Variants in AP1B1 observed in about 807,000 individuals in gnomAD.
AP1B1 encodes the protein adaptor related protein complex 1 subunit beta 1, also known as AP-1 complex subunit beta-1.
A neutral mutation model predicts 104.3 loss-of-function variants in AP1B1; 36 were observed. That is an observed-to-expected ratio of 0.35 (90% CI 0.26 to 0.46). AP1B1 has a LOEUF of 0.46. Ranked by LOEUF, AP1B1 falls within the 20% of genes least tolerant of loss-of-function variation. The pLI, the probability that AP1B1 is intolerant of heterozygous loss-of-function variation, is 1.00. For synonymous variants in AP1B1, 504 were observed against 517.5 expected (o/e 0.97, Z 0.35); for missense variants, 901 against 1,247.9 (o/e 0.72, Z 4.19).
chr22:29,352,084 C>T (rs1046342601), intron 7 of AP1B1, among the ~76,000 whole-genome samples: 8 of 152,200 alleles, frequency 5.3e-5, no homozygotes, highest in African/African-American at 1.9e-4. Context: ...CACTCACTCT[C>T]CAGAGGCAGC....
chr22:29,362,179 T>C (rs1199455144), intron 3 of AP1B1, among the ~76,000 whole-genome samples: 3 of 152,208 alleles, frequency 2.0e-5, no homozygotes, highest in African/African-American at 7.2e-5. Context: ...GCAGCCGCTC[T>C]ACACACAACC....
chr22:29,371,601 C>T (rs191042900), intron 1 of AP1B1, among the ~76,000 whole-genome samples: 3 of 152,098 alleles, frequency 2.0e-5, no homozygotes, highest in East Asian at 3.9e-4. Context: ...TGTGGTGGCA[C>T]GTGCCTGTAG....
chr22:29,339,091 G>C lies in AP1B1; in HGVS notation c.2062C>G (p.Pro688Ala). 6.2e-7 allele frequency: 1 copy of C among 1,614,192 alleles called. No individual in the cohort carries two copies. The highest frequency in any genetic ancestry group is 8.5e-7 in the Non-Finnish European group (1 of 1,180,046). Residue 688 changes from proline (P) to alanine (A), a missense_variant, in exon 16 of 23, where the codon CCA becomes GCA. Transcript: ENST00000357586. Reference sequence around the variant, plus strand: ...CCGATGGGTGCTCCAAGATTGGCTGGTACTGCTGCTGTTGGAGGTGCCACG... The same window carrying C: ...CCGATGGGTGCTCCAAGATTGGCTGCTACTGCTGCTGTTGGAGGTGCCACG... ...NFVAPPTAAV[P>A]ANLGAPIGSG...
chr22:29,354,714 G>A lies in AP1B1; in HGVS notation c.874C>T (p.Leu292=), dbSNP rs1165538195. 6.2e-7 allele frequency: 1 copy of A among 1,614,140 alleles called. No individual in the cohort carries two copies. The highest frequency in any genetic ancestry group is 2.2e-5 in the East Asian group (1 of 44,862). The part of the protein sequence containing the change: ...KKLAPPLVTL[L]SAEPELQYVA... ...TACTGCAGCTCTGGCTCGGCTGACA[G>A]CAGTGTGACCAGGGGTGGGGCCAGC... is the stretch of plus-strand genomic sequence containing the variant. Residue 292 remains leucine, a synonymous_variant, in exon 7 of 23, where the codon CTG becomes TTG. Coordinates refer to ENST00000357586, the MANE Select transcript of AP1B1 (RefSeq NM_001127.4).
intron 4 of AP1B1, 134 bp downstream of exon 4, chr22:29,359,690 T>G: frequency 8.5e-7 from 1 of 1,178,852 alleles, no homozygotes; most frequent in Non-Finnish European, 1.2e-6. Context: ...GGAAGAGGCC[T>G]GCAGGCTGGG....
At chr22:29,339,825 G>T (rs752806504) in intron 14 of AP1B1, 51 bp from the exon 15 acceptor site, 1 of 1,576,236 alleles carries the variant, frequency 6.3e-7, no homozygotes, top group South Asian at 1.1e-5. Context: ...CATGCAGAGA[G>T]AAAAAGCCAG....
chr22:29,331,856 T>A lies in AP1B1; in HGVS notation c.2370A>T (p.Thr790=). Residue 790 remains threonine, a synonymous_variant, in exon 18 of 23, where the codon ACA becomes ACT. Transcript: ENST00000357586. The stretch of plus-strand genomic sequence containing the variant: ...TGCTGAGAGGCAGGGAGATCTCCAC[T>A]GTCTGGTTGGGGCTGAGTGGCGCGT... ...QVHAPLSPNQ[T]VEISLPLSTV... 6.2e-7 allele frequency: 1 copy of A among 1,613,890 alleles called. No individual in the cohort carries two copies. Among genetic ancestry groups the A allele is most frequent in the Non-Finnish European group, 8.5e-7 (1 of 1,179,906 alleles).
intron 1 of AP1B1, among the ~76,000 whole-genome samples, chr22:29,384,134 T>C (rs752962270): frequency 6.6e-6 from 1 of 152,160 alleles, no homozygotes; most frequent in Admixed American, 6.5e-5. Flanking sequence ...CAATGTTACA[T>C]GCCTGAAGGG....
In AP1B1 at chr22:29,331,922, G is replaced by A. The variant is rs753059593; in HGVS notation, c.2310-6C>T. 1.2e-6 allele frequency: 2 copies of A among 1,606,964 alleles called. No individual in the cohort carries two copies. The highest frequency in any genetic ancestry group is 1.1e-5 in the South Asian group (1 of 90,924). ...CGGCGGGGGCCAGGCCAAAGCTGGG[G>A]AGAGAGAAGCCCCACAGGGATGGCA... On this transcript the variant is annotated splice_region_variant and splice_polypyrimidine_tract_variant and intron_variant, in intron 17 of 22. Coordinates refer to ENST00000357586, the MANE Select transcript of AP1B1 (RefSeq NM_001127.4).
intron 1 of AP1B1, among the ~76,000 whole-genome samples, chr22:29,386,398 C>T (rs1252725628): frequency 6.6e-6 from 1 of 152,194 alleles, no homozygotes; most frequent in Non-Finnish European, 1.5e-5. Context: ...AACAGATGAT[C>T]TTCACACAAT....
At chr22:29,383,486 G>A (rs1000749548) in intron 1 of AP1B1, among the ~76,000 whole-genome samples, 4 of 152,036 alleles carry the variant, frequency 2.6e-5, no homozygotes, top group African/African-American at 7.2e-5. Flanking sequence ...TGAGGTGGGC[G>A]GATCACAAGG....
chr22:29,356,453 A>G lies in AP1B1; in HGVS notation c.689T>C (p.Met230Thr), dbSNP rs752135761. The change falls in exon 6 of 23, where the codon ATG (methionine) becomes ACG (threonine). Residue 230 changes from methionine (M) to threonine (T), a missense_variant. Met to Thr is a moderately conservative substitution (Grantham distance 81). Transcript: ENST00000357586. ...CTGGGCCTCGCGGTCGTCCTTGGGC[A>G]TATAGTTGGCGAGGCAGTCCAGGAT... ...IFILDCLANYMPKDDREAQSI... is the reference protein window; with the variant it reads ...IFILDCLANYTPKDDREAQSI... The G allele has an allele frequency of 2.5e-6, 4 of 1,614,058 alleles. No homozygotes were observed. The East Asian group carries it at 8.9e-5, about 36-fold the overall frequency.
chr22:29,373,132 A>AT (rs1306333685), intron 1 of AP1B1, among the ~76,000 whole-genome samples: 3 of 152,056 alleles, frequency 2.0e-5, no homozygotes, highest in Non-Finnish European at 4.4e-5. Flanking sequence ...CCAAATTAGC[A>AT]TGGTGGTGCA....
chr22:29,337,534 C>T (rs760645283), intron 16 of AP1B1, among the ~76,000 whole-genome samples: 1 of 152,138 alleles, frequency 6.6e-6, no homozygotes, highest in Non-Finnish European at 1.5e-5. Flanking sequence ...TGCCCCTGAC[C>T]GCCAACTGTA....
rs143484030 is a variant in AP1B1 at position 29,359,842 on chromosome 22, G to T, written c.261C>A (p.Ala87=). 23 of 1,613,616 alleles carry T rather than the reference G, an allele frequency of 1.4e-5. No individual in the cohort carries two copies. The highest frequency in any genetic ancestry group is 1.9e-5 in the Non-Finnish European group (23 of 1,179,828). ...AKSQPDMAIM[A]VNTFVKDCED... Reference sequence around the variant, plus strand: ...TGCTCACCTTCACAAAGGTGTTGACGGCCATAATGGCCATGTCAGGCTGAC... The same window carrying T: ...TGCTCACCTTCACAAAGGTGTTGACTGCCATAATGGCCATGTCAGGCTGAC... The change falls in exon 4 of 23, where the codon GCC becomes GCA. Residue 87 remains alanine, a synonymous_variant. Coordinates refer to ENST00000357586, the MANE Select transcript of AP1B1 (RefSeq NM_001127.4).
intron 7 of AP1B1, among the ~76,000 whole-genome samples, chr22:29,352,970 CAT>C (rs2061900247): frequency 6.6e-6 from 1 of 152,152 alleles, no homozygotes; most frequent in Non-Finnish European, 1.5e-5. Context: ...AGCCCTTTCA[CAT>C]GTGTCATTGT....
At position 29,350,105 on chromosome 22, in the gene AP1B1, T is replaced by C. The variant is rs1448775318; in HGVS notation, c.1201A>G (p.Thr401Ala). ...TCCTGGACCACATAGTTGACCTTGGTCTGGATGAGGTCGAGCAGCGTGCTC... is the reference window on the plus strand; with the variant it reads ...TCCTGGACCACATAGTTGACCTTGGCCTGGATGAGGTCGAGCAGCGTGCTC... Reference protein sequence around the residue: ...CVSTLLDLIQTKVNYVVQEAI... With the variant: ...CVSTLLDLIQAKVNYVVQEAI... The change falls in exon 10 of 23, where the codon ACC (threonine) becomes GCC (alanine). Residue 401 changes from threonine (T) to alanine (A), a missense_variant. Thr to Ala is a moderately conservative substitution (Grantham distance 58). Around this residue, in one of 3 missense-constraint regions of AP1B1, gnomAD observed 471 missense variants for 696.7 expected, o/e 0.68. Transcript: ENST00000357586. 1 of 1,614,074 alleles carries C rather than the reference T, an allele frequency of 6.2e-7. No homozygotes were observed. The highest frequency in any genetic ancestry group is 8.5e-7 in the Non-Finnish European group (1 of 1,180,036).
chr22:29,366,801 A>G lies in AP1B1; in HGVS notation c.37+406T>C, dbSNP rs115061072. Among the ~76,000 whole-genome samples, 1,042 of 150,092 alleles carry G rather than the reference A, an allele frequency of 6.9e-3. 14 individuals are homozygous for G. Among genetic ancestry groups the G allele is most frequent in the African/African-American group, 0.024 (993 of 40,956 alleles). On this transcript the variant is annotated intron_variant, in intron 2 of 22. Transcript: ENST00000357586. ...GTGACATGAGTGAAACTCCGTCTCAAAAAAAAAGAAAAACACGTGCCCTTG... is the reference window on the plus strand; with the variant it reads ...GTGACATGAGTGAAACTCCGTCTCAGAAAAAAAGAAAAACACGTGCCCTTG...
At position 29,328,978 on chromosome 22, in the gene AP1B1, G is replaced by C; in HGVS notation, c.2776-83C>G. 6.5e-7 allele frequency: 1 copy of C among 1,547,488 alleles called. No homozygotes were observed. On this transcript the variant is annotated intron_variant, in intron 22 of 22. Transcript: ENST00000357586. The surrounding 1 kb of genome is among the most constrained non-coding windows in gnomAD (Gnocchi z 4.1). Reference sequence around the variant, plus strand: ...AAGGAAAGGGGTGGGGAAGAGAGCAGGAACCAATGGGACAGCGTGGAGTGC... The same window carrying C: ...AAGGAAAGGGGTGGGGAAGAGAGCACGAACCAATGGGACAGCGTGGAGTGC...
Sources: allele counts gnomAD v4.1 joint callset (sites outside exome capture counted in the v4.1 genomes callset), GRCh38; gene constraint gnomAD v4.1.1; regional missense constraint gnomAD v4.1.1; non-coding constraint Gnocchi (gnomAD v3.1); transcripts MANE v1.5; gene names NCBI Gene and HGNC (gene_info 2026-07-23, HGNC 2026-07-21).